SGCD: variants seen among roughly 807,000 people sequenced by gnomAD.
SGCD encodes delta-sarcoglycan.
SGCD carries 18 observed loss-of-function variants against 36.6 expected under a neutral mutation model. The observed-to-expected ratio is 0.49, with a 90% confidence interval of 0.34 to 0.73. The LOEUF (loss-of-function observed/expected upper bound fraction) is 0.73, where lower values mean the gene tolerates loss of function less well. SGCD is among the 30% of genes least tolerant of loss of function. The pLI, the probability that SGCD is intolerant of heterozygous loss-of-function variation, is 0.01. For synonymous variants in SGCD, 133 were observed against 130.6 expected, an observed-to-expected ratio of 1.02 and a Z score of -0.12; for missense variants, 387 against 346.7, an observed-to-expected ratio of 1.12 and a Z score of -0.92.
At chr5:155,759,603 A>G in the SGCD span, among the ~76,000 whole-genome samples, 1 of 152,186 alleles carries the variant, frequency 6.6e-6, no homozygotes, top group Non-Finnish European at 1.5e-5. Flanking sequence ...ATGGGCAAGG[A>G]CGCACCAACT....
chr5:156,087,999 T>G (rs1479262104), intron 1 of SGCD, among the ~76,000 whole-genome samples: 1 of 152,212 alleles, frequency 6.6e-6, no homozygotes, highest in East Asian at 1.9e-4. Flanking sequence ...CTGAATTCCA[T>G]TAGAAGCATA....
intron 7 of SGCD, among the ~76,000 whole-genome samples, chr5:156,733,409 G>A (rs999241351): frequency 1.1e-4 from 17 of 151,958 alleles, no homozygotes; most frequent in Non-Finnish European, 2.4e-4. Context: ...GTCATTTTGC[G>A]TCTGCTGAGG....
At chr5:156,143,278 A>G (rs1320988309) in intron 3 of SGCD, among the ~76,000 whole-genome samples, 1 of 152,220 alleles carries the variant, frequency 6.6e-6, no homozygotes, top group Non-Finnish European at 1.5e-5. Context: ...CCAAGATTTC[A>G]GAGGATGTGT....
chr5:156,719,080 G>A lies in SGCD; in HGVS notation c.576-38501G>A, dbSNP rs944221392. Among the ~76,000 whole-genome samples, 11 of 152,098 alleles carry A rather than the reference G, an allele frequency of 7.2e-5. 2 individuals are homozygous for A. The highest frequency in any genetic ancestry group is 7.2e-4 in the Admixed American group (11 of 15,270). Reference sequence around the variant, plus strand: ...ACAAATATGCACACACACATACAGAGAGAGAGAAGTGGAAGGTGGGGAAAA... The same window carrying A: ...ACAAATATGCACACACACATACAGAAAGAGAGAAGTGGAAGGTGGGGAAAA... On this transcript the variant is annotated intron_variant, in intron 7 of 8. Coordinates refer to ENST00000337851, the MANE Select transcript of SGCD (RefSeq NM_000337.6).
chr5:156,360,166 A>G (rs557632494), intron 3 of SGCD, among the ~76,000 whole-genome samples: 1 of 152,200 alleles, frequency 6.6e-6, no homozygotes, highest in South Asian at 2.1e-4. Context: ...CAAATTCAGA[A>G]CTTGTCTTCC....
chr5:156,058,882 T>C (rs1760131174), intron 1 of SGCD, among the ~76,000 whole-genome samples: 1 of 145,796 alleles, frequency 6.9e-6, no homozygotes. Flanking sequence ...AGTTATTAGT[T>C]ATACTGAATG....
intron 7 of SGCD, among the ~76,000 whole-genome samples, chr5:156,706,775 C>T (rs952443168): frequency 2.6e-5 from 4 of 152,136 alleles, no homozygotes; most frequent in African/African-American, 7.2e-5. Flanking sequence ...ACTCCTTATT[C>T]TCTAAACTTT....
At chr5:156,139,266 G>T (rs1338585275) in intron 3 of SGCD, among the ~76,000 whole-genome samples, 1 of 152,066 alleles carries the variant, frequency 6.6e-6, no homozygotes, top group Non-Finnish European at 1.5e-5. Flanking sequence ...AAGTCACAAA[G>T]ATATTCTCCT....
chr5:156,678,747 A>G (rs902561238), intron 7 of SGCD, among the ~76,000 whole-genome samples: 1 of 152,226 alleles, frequency 6.6e-6, no homozygotes, highest in African/African-American at 2.4e-5. Flanking sequence ...AAAAGGAAGT[A>G]TACGTGAGCA....
the SGCD span, among the ~76,000 whole-genome samples, chr5:155,779,091 G>C: frequency 0.86 from 131,254 of 152,200 alleles, 56,718 homozygotes; most frequent in East Asian, 0.99. Context: ...TTTACATTCT[G>C]CATATATATT....
chr5:156,467,039 C>T (rs1032205744), intron 3 of SGCD, among the ~76,000 whole-genome samples: 4 of 152,098 alleles, frequency 2.6e-5, no homozygotes, highest in African/African-American at 9.7e-5. Context: ...TTAGGCTTTG[C>T]AGGCCAGATG....
intron 3 of SGCD, among the ~76,000 whole-genome samples, chr5:156,449,255 T>C (rs1287150831): frequency 6.6e-6 from 1 of 152,180 alleles, no homozygotes; most frequent in East Asian, 1.9e-4. Context: ...TTAAATACAA[T>C]GAAGCAGATT....
chr5:155,921,156 A>C (rs1561650613), intron 1 of SGCD, among the ~76,000 whole-genome samples: 2 of 152,168 alleles, frequency 1.3e-5, no homozygotes. Context: ...GGGAGAGCAT[A>C]TTAACAGTGT....
rs1764989603 is a variant in SGCD at position 156,230,519 on chromosome 5, C to T, written c.-43-99015C>T. Among the ~76,000 whole-genome samples the T allele has an allele frequency of 2.0e-5, 3 of 152,144 alleles. No individual in the cohort carries two copies. In the South Asian group the frequency reaches 6.2e-4, roughly 31 times the overall value. ...TATTGGGGGTTGTCTGCACAGACTC[C>T]TGTGAACCATCTGTGGGTCTCTCAG... On this transcript the variant is annotated intron_variant, in intron 3 of 9. Transcript: ENST00000517913.
intron 4 of SGCD, among the ~76,000 whole-genome samples, chr5:156,515,590 C>T (rs1757123427): frequency 1.3e-5 from 2 of 152,176 alleles, no homozygotes; most frequent in South Asian, 4.1e-4. Context: ...GAGCAGAGAG[C>T]GATTGTGCTA....
chr5:156,089,308 A>G (rs181456653), intron 1 of SGCD, among the ~76,000 whole-genome samples: 2 of 152,340 alleles, frequency 1.3e-5, no homozygotes, highest in East Asian at 3.9e-4. Flanking sequence ...CCTTCCTGGC[A>G]GAGTTTGGCC....
intron 1 of SGCD, among the ~76,000 whole-genome samples, chr5:156,327,990 A>T (rs912045949): frequency 1.3e-5 from 2 of 152,234 alleles, no homozygotes; most frequent in Admixed American, 6.5e-5. Flanking sequence ...TTTACTCAAA[A>T]TTCTTCTTAA....
the SGCD span, among the ~76,000 whole-genome samples, chr5:155,776,766 C>T: frequency 6.6e-6 from 1 of 151,948 alleles, no homozygotes; most frequent in Non-Finnish European, 1.5e-5. Context: ...AATGTCTGCT[C>T]ATCTTATGAG....
chr5:155,769,955 CT>C, the SGCD span, among the ~76,000 whole-genome samples: 1 of 152,082 alleles, frequency 6.6e-6, no homozygotes, highest in Non-Finnish European at 1.5e-5. Context: ...TACCTTTTCT[CT>C]TTCATTTTTT....
Sources: gnomAD v4.1 joint callset for allele counts (sites outside exome capture counted in the v4.1 genomes callset) on GRCh38, gnomAD v4.1.1 for gene constraint, MANE v1.5 for transcripts, NCBI Gene and HGNC (gene_info 2026-07-23, HGNC 2026-07-21) for gene names.